The following DAB2IP variants were observed in gnomAD, a reference collection of about 807,000 sequenced individuals.
The protein encoded by DAB2IP is DAB2 interacting protein.
A neutral mutation model predicts 107.2 loss-of-function variants in DAB2IP; 28 were observed. The ratio of observed to expected loss-of-function variants is 0.26; its 90% CI spans 0.19 to 0.36. The LOEUF is 0.36. Ranked by LOEUF, DAB2IP falls within the 10% of genes least tolerant of loss-of-function variation. The pLI is 1.00. For synonymous variants in DAB2IP, 755 were observed against 706.4 expected, an observed-to-expected ratio of 1.07 and a Z score of -1.09; for missense variants, 1,400 against 1,644.7, an observed-to-expected ratio of 0.85 and a Z score of 2.57.
intron 2 of DAB2IP, among the ~76,000 whole-genome samples, chr9:121,696,461 G>A (rs1829434808): frequency 6.6e-6 from 1 of 152,220 alleles, no homozygotes; most frequent in Non-Finnish European, 1.5e-5. Flanking sequence ...TCCCAAGTTA[G>A]GGGCTGTAGC....
rs749724383 is a variant in DAB2IP, at chr9:121,601,020, G to GA, written c.40+33796dup. On this transcript the variant is annotated intron_variant, in intron 1 of 16. Transcript: ENST00000259371. ...AGCCCCTCTTAATCAGCCCTTTTGA[G>GA]AAAAGTGCACAGATGCACACACCCA... Among the ~76,000 whole-genome samples the GA allele has an allele frequency of 3.3e-5, 5 of 152,292 alleles. No individual in the cohort carries two copies. The East Asian group carries it at 5.8e-4, about 18-fold the overall frequency.
intron 3 of DAB2IP, among the ~76,000 whole-genome samples, chr9:121,742,563 TC>T (rs964508759): frequency 3.7e-4 from 57 of 152,204 alleles, no homozygotes; most frequent in African/African-American, 1.4e-3. Flanking sequence ...TCCCTTCCTC[TC>T]CCCATCCCAC....
At chr9:121,602,525 C>G (rs1035573699) in intron 1 of DAB2IP, among the ~76,000 whole-genome samples, 2 of 152,208 alleles carry the variant, frequency 1.3e-5, no homozygotes, top group Non-Finnish European at 2.9e-5. Context: ...TCTTTAGTAA[C>G]TGCGACTACA....
At chr9:121,757,241 C>T in intron 4 of DAB2IP, 75 bp downstream of exon 4, 1 of 1,554,194 alleles carries the variant, frequency 6.4e-7, no homozygotes, top group Admixed American at 1.9e-5. Flanking sequence ...AGACATCCTC[C>T]TGGAGTCCAG....
Position 121,760,485 on chromosome 9 carries a change from C to T in DAB2IP, c.1170+46C>T, listed in dbSNP as rs1332653688. On this transcript the variant is annotated intron_variant, in intron 6 of 15. Coordinates refer to ENST00000408936, the Ensembl canonical transcript of DAB2IP. The surrounding 1 kb of genome is among the most constrained non-coding windows in gnomAD (Gnocchi z 5.9). ...TCCTGACACAGGCTGGGCGGCAGCACTGGGTTACCTGCCCTTCCTCACATC... is the reference window on the plus strand; with the variant it reads ...TCCTGACACAGGCTGGGCGGCAGCATTGGGTTACCTGCCCTTCCTCACATC... 1 of 1,511,700 alleles carries T rather than the reference C, an allele frequency of 6.6e-7. No individual in the cohort carries two copies. The highest frequency in any genetic ancestry group is 1.3e-5 in the South Asian group (1 of 76,406). The allele number at this position is 1,511,700 out of a possible 1,614,324, so 93.6% of individuals were successfully genotyped here.
upstream of DAB2IP, among the ~76,000 whole-genome samples, chr9:121,648,394 G>A (rs761708405): frequency 6.6e-6 from 1 of 152,192 alleles, no homozygotes; most frequent in Non-Finnish European, 1.5e-5. Context: ...GGCGAAGACT[G>A]GTGGTGGGAA....
exon 9 of DAB2IP, chr9:121,766,582 A>G: frequency 6.2e-7 from 1 of 1,613,892 alleles, no homozygotes; most frequent in Non-Finnish European, 8.5e-7. Context: ...TGAGCGGCTC[A>G]TCAGCGCCTC....
At chr9:121,660,192 C>G (rs1833144195) in intron 1 of DAB2IP, among the ~76,000 whole-genome samples, 1 of 152,164 alleles carries the variant, frequency 6.6e-6, no homozygotes, top group African/African-American at 2.4e-5. Flanking sequence ...TGAGCACTTA[C>G]ACAGCACCAG....
At chr9:121,606,888 T>C (rs567467207) in intron 1 of DAB2IP, among the ~76,000 whole-genome samples, 42 of 152,050 alleles carry the variant, frequency 2.8e-4, no homozygotes, top group South Asian at 1.7e-3. Context: ...AGTTCTCCTG[T>C]CTCAGCCTCC....
At chr9:121,612,260 G>T (rs1831121563) in intron 1 of DAB2IP, among the ~76,000 whole-genome samples, 1 of 152,072 alleles carries the variant, frequency 6.6e-6, no homozygotes, top group Non-Finnish European at 1.5e-5. Context: ...GGTTGAGGCT[G>T]CAGCGAGCCG....
chr9:121,676,215 G>C (rs920446892), intron 1 of DAB2IP, among the ~76,000 whole-genome samples: 1 of 152,236 alleles, frequency 6.6e-6, no homozygotes, highest in African/African-American at 2.4e-5. Context: ...TGAAGCCTGT[G>C]CTTCTGTGGA....
At chr9:121,773,059 G>C in exon 12 of DAB2IP, 1 of 1,612,516 alleles carries the variant, frequency 6.2e-7, no homozygotes, top group Non-Finnish European at 8.5e-7. Flanking sequence ...CTGTCACCCC[G>C]TGGCCTTGGC....
chr9:121,569,516 A>C (rs1375080381), intron 1 of DAB2IP, among the ~76,000 whole-genome samples: 1 of 152,268 alleles, frequency 6.6e-6, no homozygotes, highest in East Asian at 1.9e-4. Context: ...CAAAGATTTC[A>C]GAAACAGAAA....
intron 1 of DAB2IP, among the ~76,000 whole-genome samples, chr9:121,668,036 T>C (rs1216052581): frequency 1.3e-5 from 2 of 152,114 alleles, no homozygotes; most frequent in Non-Finnish European, 2.9e-5. Flanking sequence ...ATGAGACTTA[T>C]TCACTACCAC....
chr9:121,722,621 A>G (rs1831004136), intron 3 of DAB2IP, among the ~76,000 whole-genome samples: 1 of 152,186 alleles, frequency 6.6e-6, no homozygotes, highest in Non-Finnish European at 1.5e-5. Context: ...TAGAGTAGAC[A>G]GCCACACAGA....
At chr9:121,607,734 G>A (rs541951959) in intron 1 of DAB2IP, among the ~76,000 whole-genome samples, 1 of 152,170 alleles carries the variant, frequency 6.6e-6, no homozygotes, top group Non-Finnish European at 1.5e-5. Context: ...TTCCCCTCTG[G>A]GTGACCCTGG....
intron 14 of DAB2IP, among the ~76,000 whole-genome samples, chr9:121,780,305 T>A (rs1835517395): frequency 6.6e-6 from 1 of 152,152 alleles, no homozygotes; most frequent in African/African-American, 2.4e-5. Context: ...AGTGATACCT[T>A]CCTGTACTGG....
chr9:121,764,788 C>T (rs1364171267), intron 8 of DAB2IP, among the ~76,000 whole-genome samples: 4 of 152,222 alleles, frequency 2.6e-5, no homozygotes, highest in African/African-American at 7.2e-5. Flanking sequence ...CTGCACCTTC[C>T]CCTGCATACA....
At chr9:121,686,582 T>A (rs2118662597) in intron 2 of DAB2IP, among the ~76,000 whole-genome samples, 1 of 152,228 alleles carries the variant, frequency 6.6e-6, no homozygotes, top group Non-Finnish European at 1.5e-5. Context: ...GGTCTTGGGG[T>A]ACAGTGCTGG....
Sources: allele counts gnomAD v4.1 joint callset (sites outside exome capture counted in the v4.1 genomes callset), GRCh38; gene constraint gnomAD v4.1.1; non-coding constraint Gnocchi (gnomAD v3.1); transcripts MANE v1.5; gene names NCBI Gene and HGNC (gene_info 2026-07-23, HGNC 2026-07-21).